SHISA6: variants seen among roughly 807,000 people sequenced by gnomAD.
SHISA6 encodes shisa family member 6, also known as protein shisa-6.
A neutral mutation model predicts 47.9 loss-of-function variants in SHISA6; 22 were observed. The observed-to-expected ratio is 0.46, with a 90% CI of 0.33 to 0.66. The LOEUF (loss-of-function observed/expected upper bound fraction) is 0.66. SHISA6 is among the 30% of genes least tolerant of loss of function. The probability of loss-of-function intolerance (pLI) is 0.02; values close to 1 mark genes in which losing one functional copy is unlikely to be tolerated. For missense variants in SHISA6, 680 were observed against 764.6 expected, an observed-to-expected ratio of 0.89 and a Z score of 1.30; for synonymous variants, 388 against 337.8, an observed-to-expected ratio of 1.15 and a Z score of -1.63.
At chr17:11,453,328 C>A (rs2969241) in intron 3 of SHISA6, among the ~76,000 whole-genome samples, 1 of 151,938 alleles carries the variant, frequency 6.6e-6, no homozygotes, top group Non-Finnish European at 1.5e-5. Flanking sequence ...ACAGCAGCTT[C>A]GGGAAACCTG....
chr17:11,275,941 C>T (rs2321715), intron 2 of SHISA6, among the ~76,000 whole-genome samples: 75,951 of 151,678 alleles, frequency 0.5, 20,135 homozygotes, highest in Admixed American at 0.61. Flanking sequence ...TTCATAATCA[C>T]TCTGGCCACC....
At position 11,427,790 on chromosome 17, in the gene SHISA6, GA is replaced by G. The variant is rs376566372; in HGVS notation, c.895+48292del. Among the ~76,000 whole-genome samples the G allele has an allele frequency of 2.3e-4, 34 of 147,786 alleles. 1 individual carries two copies. In the East Asian group the frequency reaches 2.8e-3, roughly 12 times the overall value. On this transcript the variant is annotated intron_variant, in intron 3 of 5. Coordinates refer to ENST00000441885, the MANE Select transcript of SHISA6 (RefSeq NM_207386.4). ...AAAACCCAAATCCACCACATGAATA[GA>G]AAAAAAAAAATTTCACATGCAATGC...
intron 3 of SHISA6, among the ~76,000 whole-genome samples, chr17:11,482,730 T>G (rs9911093): frequency 6.6e-6 from 1 of 152,120 alleles, no homozygotes; most frequent in Non-Finnish European, 1.5e-5. Context: ...TTGATCAATA[T>G]TGGGGCCAAA....
chr17:11,368,029 A>G (rs930682409), intron 2 of SHISA6, among the ~76,000 whole-genome samples: 5 of 152,172 alleles, frequency 3.3e-5, no homozygotes, highest in Non-Finnish European at 5.9e-5. Flanking sequence ...TCTAACCCCA[A>G]GTCACTCACA....
intron 3 of SHISA6, among the ~76,000 whole-genome samples, chr17:11,547,637 G>GA (rs2071894051): frequency 6.6e-6 from 1 of 152,114 alleles, no homozygotes; most frequent in Non-Finnish European, 1.5e-5. Flanking sequence ...TTTAAGCCAG[G>GA]AAATGAGAAA....
intron 3 of SHISA6, among the ~76,000 whole-genome samples, chr17:11,422,981 A>G (rs1272475803): frequency 8.1e-6 from 1 of 122,868 alleles, no homozygotes; most frequent in Non-Finnish European, 1.7e-5. Flanking sequence ...AAAGAAGGGG[A>G]AATTCCTAGA....
intron 3 of SHISA6, among the ~76,000 whole-genome samples, chr17:11,467,758 G>A (rs1915847343): frequency 6.6e-6 from 1 of 152,120 alleles, no homozygotes; most frequent in African/African-American, 2.4e-5. Context: ...CCTGTTCTGA[G>A]AGTTTAGCAC....
intron 3 of SHISA6, among the ~76,000 whole-genome samples, chr17:11,387,911 C>T (rs542358395): frequency 1.3e-5 from 2 of 152,270 alleles, no homozygotes; most frequent in South Asian, 2.1e-4. Flanking sequence ...GATCCAGGGG[C>T]CGTGCTCACC....
At position 11,352,807 on chromosome 17, in the gene SHISA6, G is replaced by A. The variant is rs1911933372; in HGVS notation, c.800-26607G>A. Among the ~76,000 whole-genome samples the A allele has an allele frequency of 1.3e-5, 2 of 152,232 alleles. 1 individual carries two copies. Among genetic ancestry groups the A allele is most frequent in the Non-Finnish European group, 2.9e-5 (2 of 68,022 alleles). ...TACTTTCTCCGTTGCAAACAGAATG[G>A]CCCCCCTTTTATTGGAGTGGTCTTT... On this transcript the variant is annotated intron_variant, in intron 2 of 5. Transcript: ENST00000441885.
At chr17:11,254,556 T>G (rs1030610820) in intron 1 of SHISA6, among the ~76,000 whole-genome samples, 2 of 152,218 alleles carry the variant, frequency 1.3e-5, no homozygotes, top group African/African-American at 4.8e-5. Context: ...CTCTCTCTTT[T>G]GGCACCACCT....
intron 3 of SHISA6, among the ~76,000 whole-genome samples, chr17:11,536,582 T>C (rs2071790187): frequency 6.6e-6 from 1 of 152,102 alleles, no homozygotes; most frequent in African/African-American, 2.4e-5. Context: ...GAATCTGAAA[T>C]TTGCAAAAGA....
chr17:11,483,345 A>G (rs2969202), intron 3 of SHISA6, among the ~76,000 whole-genome samples: 41,613 of 151,656 alleles, frequency 0.27, 5,808 homozygotes, highest in African/African-American at 0.32. Flanking sequence ...AATAATAATA[A>G]TAATACAGAC....
At chr17:11,410,289 A>T (rs955411684) in intron 3 of SHISA6, among the ~76,000 whole-genome samples, 1 of 152,192 alleles carries the variant, frequency 6.6e-6, no homozygotes, top group East Asian at 1.9e-4. Context: ...TATCCAGTTC[A>T]CTGAAGCAAT....
rs184373128 is a variant in SHISA6 at position 11,295,454 on chromosome 17, A to T, written c.799+31928A>T. 4.6e-5 allele frequency among the ~76,000 whole-genome samples: 7 copies of T among 152,338 alleles called. No individual in the cohort carries two copies. In the East Asian group the frequency reaches 1.3e-3, roughly 29 times the overall value. ...GACAGTAAATAACAAACATGCCCAC[A>T]TTCCAGTATTTAATCCAAATTAATA... is the stretch of plus-strand genomic sequence containing the variant. On this transcript the variant is annotated intron_variant, in intron 2 of 5. Transcript: ENST00000441885.
intron 2 of SHISA6, 105 bp from the exon 3 acceptor site, chr17:11,379,309 G>C: frequency 6.1e-6 from 4 of 661,076 alleles, no homozygotes; most frequent in Non-Finnish European, 9.6e-6. Context: ...TTAGCTGCTG[G>C]TTTGAAAACA....
chr17:11,423,215 ATGTGTGTG>A (rs140387181), intron 3 of SHISA6, among the ~76,000 whole-genome samples: 3 of 135,702 alleles, frequency 2.2e-5, no homozygotes, highest in African/African-American at 6.0e-5. Flanking sequence ...ACATATATGT[ATGTGTGTG>A]TGTGTGTGTG....
intron 1 of SHISA6, among the ~76,000 whole-genome samples, chr17:11,243,497 T>C (rs1907456699): frequency 6.6e-6 from 1 of 152,122 alleles, no homozygotes; most frequent in Admixed American, 6.5e-5. Flanking sequence ...ACCTCATGTC[T>C]CAGATAGTGC....
chr17:11,268,195 C>G (rs1372072429), intron 2 of SHISA6, among the ~76,000 whole-genome samples: 1 of 152,136 alleles, frequency 6.6e-6, no homozygotes, highest in Admixed American at 6.5e-5. Context: ...CTACATACCA[C>G]TGTGAGTTGT....
intron 2 of SHISA6, among the ~76,000 whole-genome samples, chr17:11,307,373 G>C (rs989025961): frequency 1.3e-5 from 2 of 152,134 alleles, no homozygotes; most frequent in East Asian, 1.9e-4. Context: ...CATATTGTTC[G>C]CCTGCCTTCA....
Sources: allele counts gnomAD v4.1 joint callset (sites outside exome capture counted in the v4.1 genomes callset), GRCh38; gene constraint gnomAD v4.1.1; transcripts MANE v1.5; gene names NCBI Gene and HGNC (gene_info 2026-07-23, HGNC 2026-07-21).